ITPR2: variants seen among roughly 807,000 people sequenced by gnomAD.
The protein encoded by ITPR2 is inositol 1,4,5-trisphosphate-gated calcium channel ITPR2.
In ITPR2, 207 loss-of-function variants were observed where a neutral mutation model predicts 317.1. The observed-to-expected ratio is 0.65, with a 90% CI of 0.58 to 0.73. The LOEUF (loss-of-function observed/expected upper bound fraction) is 0.73. Among genes scored for constraint, ITPR2 ranks in the 30% least tolerant of loss-of-function variants. ITPR2 has a pLI of 0.00. For missense variants in ITPR2, 2,613 were observed against 3,284.0 expected, an observed-to-expected ratio of 0.80 and a Z score of 4.99; for synonymous variants, 1,156 against 1,149.1, an observed-to-expected ratio of 1.01 and a Z score of -0.12.
At chr12:26,519,839 T>C (rs1405469886) in intron 37 of ITPR2, among the ~76,000 whole-genome samples, 2 of 152,240 alleles carry the variant, frequency 1.3e-5, no homozygotes, top group African/African-American at 2.4e-5. Flanking sequence ...TATGAACTTA[T>C]ATGGCAAAAT....
intron 21 of ITPR2, among the ~76,000 whole-genome samples, chr12:26,644,332 G>A (rs1947061344): frequency 1.3e-5 from 2 of 152,124 alleles, no homozygotes; most frequent in Admixed American, 6.5e-5. Context: ...CCTCCACCTG[G>A]ATTTCAAAGG....
chr12:26,383,497 T>TG (rs1163561838), intron 55 of ITPR2, among the ~76,000 whole-genome samples: 3 of 149,780 alleles, frequency 2.0e-5, no homozygotes, highest in South Asian at 2.1e-4. Context: ...TTTGTTTGTT[T>TG]TTTTGAGATG....
intron 37 of ITPR2, among the ~76,000 whole-genome samples, chr12:26,544,292 A>G (rs1944335408): frequency 6.6e-6 from 1 of 152,224 alleles, no homozygotes; most frequent in Non-Finnish European, 1.5e-5. Flanking sequence ...AAGGAAGAAT[A>G]TCCCTAAGTA....
At chr12:26,814,694 G>A (rs1950819255) in intron 1 of ITPR2, among the ~76,000 whole-genome samples, 1 of 152,078 alleles carries the variant, frequency 6.6e-6, no homozygotes, top group African/African-American at 2.4e-5. Context: ...TTTTTAAAAG[G>A]TTTTCCAATA....
chr12:26,547,592 C>A (rs1944419908), intron 37 of ITPR2, among the ~76,000 whole-genome samples: 1 of 152,198 alleles, frequency 6.6e-6, no homozygotes, highest in Non-Finnish European at 1.5e-5. Flanking sequence ...CAAAGGGATA[C>A]CTGCACTCAC....
At chr12:26,565,690 C>T (rs988967019) in intron 34 of ITPR2, among the ~76,000 whole-genome samples, 5 of 151,466 alleles carry the variant, frequency 3.3e-5, no homozygotes, top group East Asian at 2.0e-4. Context: ...GTAGCCTCAG[C>T]TATTCAGGAG....
At chr12:26,822,183 G>T (rs1345084050) in intron 1 of ITPR2, among the ~76,000 whole-genome samples, 1 of 152,140 alleles carries the variant, frequency 6.6e-6, no homozygotes, top group Non-Finnish European at 1.5e-5. Flanking sequence ...TATAATAAAA[G>T]TCCAGCATTT....
chr12:26,358,699 T>C (rs1406284592), intron 55 of ITPR2, among the ~76,000 whole-genome samples: 1 of 152,218 alleles, frequency 6.6e-6, no homozygotes, highest in Non-Finnish European at 1.5e-5. Flanking sequence ...GATATGTTTT[T>C]AATATTTTCC....
chr12:26,522,228 A>G (rs1408677167), intron 37 of ITPR2, among the ~76,000 whole-genome samples: 1 of 152,170 alleles, frequency 6.6e-6, no homozygotes, highest in Non-Finnish European at 1.5e-5. Context: ...TTTTTTAGAT[A>G]TTATATAGTG....
chr12:26,697,888 T>C (rs1948380407), intron 9 of ITPR2, among the ~76,000 whole-genome samples: 1 of 151,934 alleles, frequency 6.6e-6, no homozygotes, highest in African/African-American at 2.4e-5. Flanking sequence ...TATTTCAATA[T>C]ACATGAAAAC....
At chr12:26,387,988 T>G (rs928674457) in intron 54 of ITPR2, among the ~76,000 whole-genome samples, 3 of 152,096 alleles carry the variant, frequency 2.0e-5, no homozygotes, top group African/African-American at 7.2e-5. Flanking sequence ...AAAAATGTCA[T>G]TTTACCCAGA....
intron 55 of ITPR2, among the ~76,000 whole-genome samples, chr12:26,381,147 T>A (rs1015471148): frequency 6.6e-6 from 1 of 152,196 alleles, no homozygotes; most frequent in Non-Finnish European, 1.5e-5. Context: ...TTAATGTGCC[T>A]ACAGCCTCAT....
At chr12:26,436,068 C>G (rs999711206) in intron 48 of ITPR2, among the ~76,000 whole-genome samples, 153 bp downstream of exon 48, 1 of 152,194 alleles carries the variant, frequency 6.6e-6, no homozygotes, top group Non-Finnish European at 1.5e-5. Flanking sequence ...GTTGACCACA[C>G]TTTTCTGCCT....
rs141810902 is a variant in ITPR2, at chr12:26,456,956, G to A, written c.6343-13306C>T. ...CAAAGTGCTGGGATTACAGGTGCGA[G>A]CCACCATCCCAGCCTCTAGTAACAA... On this transcript the variant is annotated intron_variant, in intron 45 of 56. Coordinates refer to ENST00000381340, the MANE Select transcript of ITPR2 (RefSeq NM_002223.4). Among the ~76,000 whole-genome samples, 70 of 152,268 alleles carry A rather than the reference G, an allele frequency of 4.6e-4. No individual in the cohort carries two copies. The East Asian group carries it at 5.6e-3, about 12-fold the overall frequency.
intron 37 of ITPR2, among the ~76,000 whole-genome samples, chr12:26,545,065 T>C (rs1591881527): frequency 6.6e-6 from 1 of 152,190 alleles, no homozygotes; most frequent in Non-Finnish European, 1.5e-5. Context: ...GTAATATTAA[T>C]CAGCCACAAG....
chr12:26,634,523 G>A (rs17399284), intron 21 of ITPR2, among the ~76,000 whole-genome samples: 24,332 of 152,164 alleles, frequency 0.16, 2,631 homozygotes, highest in Non-Finnish European at 0.23. Flanking sequence ...GCCAGAATTG[G>A]CATTTGTGTA....
rs184493608 is a variant in ITPR2, at chr12:26,594,781, T to A, written c.4380+684A>T. ...AGATGTGCTAAAGAAAATTGTGTTG[T>A]CCATCAAAGATATTCCTTCTTTCTT... On this transcript the variant is annotated intron_variant, in intron 32 of 56. Transcript: ENST00000381340. Among the ~76,000 whole-genome samples, 6 of 152,104 alleles carry A rather than the reference T, an allele frequency of 3.9e-5. No individual in the cohort carries two copies. In the East Asian group the frequency reaches 1.2e-3, roughly 29 times the overall value.
intron 26 of ITPR2, among the ~76,000 whole-genome samples, chr12:26,616,352 T>C (rs1946375164): frequency 6.6e-6 from 1 of 152,018 alleles, no homozygotes; most frequent in Non-Finnish European, 1.5e-5. Flanking sequence ...TTAGCCAGGA[T>C]GGTCTCGATC....
chr12:26,636,378 C>T lies in ITPR2; in HGVS notation c.2741-4319G>A, dbSNP rs74850620. The stretch of plus-strand genomic sequence containing the variant: ...TCCCCCTCTCCAACAACATAAAACA[C>T]GAGTTCCATGAGGACAGGGAGTCTA... On this transcript the variant is annotated intron_variant, in intron 21 of 56. Transcript: ENST00000381340. Among the ~76,000 whole-genome samples, 862 of 152,280 alleles carry T rather than the reference C, an allele frequency of 5.7e-3. 7 individuals are homozygous for T. The highest frequency in any genetic ancestry group is 0.019 in the African/African-American group (783 of 41,540).
Sources: gnomAD v4.1 joint callset for allele counts (sites outside exome capture counted in the v4.1 genomes callset) on GRCh38, gnomAD v4.1.1 for gene constraint, MANE v1.5 for transcripts, NCBI Gene and HGNC (gene_info 2026-07-23, HGNC 2026-07-21) for gene names.